MALT1: variants seen among roughly 807,000 people sequenced by gnomAD.
MALT1 encodes mucosa-associated lymphoid tissue lymphoma translocation protein 1.
Under a neutral mutation model 85.5 loss-of-function variants are expected in MALT1, and 36 were observed. That is an observed-to-expected ratio of 0.42 (90% CI 0.32 to 0.56). MALT1 has a LOEUF of 0.56. Among genes scored for constraint, MALT1 ranks in the 20% least tolerant of loss-of-function variants. The pLI, the probability that MALT1 is intolerant of heterozygous loss-of-function variation, is 0.10. For synonymous variants in MALT1, 359 were observed against 361.3 expected (o/e 0.99, Z 0.07); for missense variants, 716 against 981.6 (o/e 0.73, Z 3.62).
rs535550808 is a variant in MALT1, at chr18:58,676,488, T to C, written c.209+4636T>C. Among the ~76,000 whole-genome samples, 21 of 152,342 alleles carry C rather than the reference T, an allele frequency of 1.4e-4. No individual in the cohort carries two copies. The South Asian group carries it at 4.4e-3, about 32-fold the overall frequency. ...CTCTCTACTCTGGTCACATGTGCTT[T>C]CTTGCCTTCCTTTGGACACAGTAGT... On this transcript the variant is annotated intron_variant, in intron 1 of 16. Coordinates refer to ENST00000649217, the MANE Select transcript of MALT1 (RefSeq NM_006785.4).
rs971913820 is a variant in MALT1, at chr18:58,748,990, T to TACAA, written c.*1152_*1155dup. ...ACTATAAGCCAATATTCCTTATTAA[T>TACAA]ACAAACACAAAAATCATTAACAAAA... On this transcript the variant is annotated 3_prime_UTR_variant, in exon 17 of 17. Transcript: ENST00000649217. 1.5e-4 allele frequency: 32 copies of TACAA among 208,696 alleles called. No individual in the cohort carries two copies. The highest frequency in any genetic ancestry group is 7.0e-4 in the African/African-American group (31 of 43,992). The allele number at this position is 208,696 out of a possible 1,614,324, so 12.9% of individuals were successfully genotyped here.
At position 58,733,375 on chromosome 18, in the gene MALT1, C is replaced by G. The variant is rs113639133; in HGVS notation, c.1223-22C>G. ...GCATTTAGAATTGACATCTATCTCT[C>G]TCTTATTTTTCCTCTTTTCAGGGTT... On this transcript the variant is annotated intron_variant, in intron 10 of 16. Coordinates refer to ENST00000649217, the MANE Select transcript of MALT1 (RefSeq NM_006785.4). 1.4e-3 allele frequency: 2,077 copies of G among 1,527,300 alleles called. 24 individuals carry two copies. In the African/African-American group the frequency reaches 0.025, roughly 19 times the overall value. The allele number at this position is 1,527,300 out of a possible 1,614,324, so 94.6% of individuals were successfully genotyped here.
chr18:58,679,155 T>C (rs1478460688), intron 1 of MALT1, among the ~76,000 whole-genome samples: 1 of 152,266 alleles, frequency 6.6e-6, no homozygotes, highest in Non-Finnish European at 1.5e-5. Context: ...CCATTCTTCA[T>C]GGCCTTCTAT....
chr18:58,744,150 A>G (rs942602197), intron 14 of MALT1, among the ~76,000 whole-genome samples, 188 bp from the exon 15 acceptor site: 16 of 152,206 alleles, frequency 1.1e-4, no homozygotes, highest in African/African-American at 3.9e-4. Context: ...AAGAACTATA[A>G]ACAAATGGTA....
intron 10 of MALT1, among the ~76,000 whole-genome samples, chr18:58,732,924 A>T (rs8098636): frequency 0.88 from 133,577 of 151,644 alleles, 58,990 homozygotes; most frequent in East Asian, 0.99. Flanking sequence ...TTATTTATTT[A>T]TTTTGAGACA....
At chr18:58,682,250 T>C (rs2054333324) in intron 2 of MALT1, among the ~76,000 whole-genome samples, 1 of 152,214 alleles carries the variant, frequency 6.6e-6, no homozygotes. Context: ...TATTTTTTAT[T>C]GTTAGTTGTG....
intron 13 of MALT1, 66 bp from the exon 14 acceptor site, chr18:58,741,799 A>T: frequency 1.0e-6 from 1 of 979,540 alleles, no homozygotes; most frequent in Non-Finnish European, 1.5e-6. Context: ...GATAGTTCTT[A>T]GCCTAAATAT....
chr18:58,735,985 A>G (rs1309395954), intron 13 of MALT1, among the ~76,000 whole-genome samples: 1 of 152,186 alleles, frequency 6.6e-6, no homozygotes, highest in African/African-American at 2.4e-5. Context: ...TTTATAAGCC[A>G]TAGCAAAAAG....
intron 2 of MALT1, among the ~76,000 whole-genome samples, chr18:58,693,338 C>G (rs906225205): frequency 5.3e-5 from 8 of 152,180 alleles, no homozygotes; most frequent in Non-Finnish European, 8.8e-5. Context: ...GGGAGAATTG[C>G]TTACACCTGG....
rs896613896 is a variant in MALT1, at chr18:58,751,116, G to A, written c.*3274G>A. 4.6e-5 allele frequency: 7 copies of A among 152,214 alleles called. No homozygotes were observed. Among genetic ancestry groups the A allele is most frequent in the Non-Finnish European group, 1.5e-5 (1 of 68,062 alleles). 9.4% of individuals were successfully genotyped at this position (152,214 alleles called of 1,614,324 possible). A position where few individuals can be genotyped will look rare whatever the true frequency, so the allele number is the denominator to read the frequency against. On this transcript the variant is annotated 3_prime_UTR_variant, in exon 17 of 17. Transcript: ENST00000649217. ...TTTAGCCTCATGGGGTTGTTGAGCA[G>A]TTGAAATAATAGCTAGTGTGAGGAA... is the stretch of plus-strand genomic sequence containing the variant.
intron 13 of MALT1, among the ~76,000 whole-genome samples, chr18:58,736,359 C>T (rs943276817): frequency 2.6e-5 from 4 of 151,854 alleles, no homozygotes; most frequent in South Asian, 2.1e-4. Context: ...CCTCCCGCTT[C>T]ATCCAGAGAA....
Position 58,748,713 on chromosome 18 carries a change from T to C in MALT1, c.*871T>C, listed in dbSNP as rs2055407148. The C allele has an allele frequency of 1.0e-5, 2 of 194,822 alleles. No individual in the cohort carries two copies. The highest frequency in any genetic ancestry group is 4.6e-5 in the African/African-American group (2 of 43,082). 12.1% of individuals were successfully genotyped at this position (194,822 alleles called of 1,614,324 possible). ...TCACTGGCCTAATGAGATAATACTCTTATCTTTGGCTCTACCTAAAAGTTG... is the reference window on the plus strand; with the variant it reads ...TCACTGGCCTAATGAGATAATACTCCTATCTTTGGCTCTACCTAAAAGTTG... On this transcript the variant is annotated 3_prime_UTR_variant, in exon 17 of 17. Coordinates refer to ENST00000649217, the MANE Select transcript of MALT1 (RefSeq NM_006785.4).
chr18:58,680,634 T>C (rs1164159114), intron 1 of MALT1, among the ~76,000 whole-genome samples: 2 of 152,200 alleles, frequency 1.3e-5, no homozygotes, highest in Admixed American at 6.5e-5. Flanking sequence ...TCTCACATCC[T>C]GTTTCTGGGT....
intron 10 of MALT1, 151 bp from the exon 11 acceptor site, chr18:58,733,246 C>T (rs2055177604): frequency 1.7e-6 from 1 of 575,114 alleles, no homozygotes; most frequent in African/African-American, 1.9e-5. Context: ...ATAACATTGT[C>T]TATATTTATA....
At chr18:58,684,908 A>G (rs772420929) in intron 2 of MALT1, among the ~76,000 whole-genome samples, 13 of 152,222 alleles carry the variant, frequency 8.5e-5, no homozygotes, top group Admixed American at 1.3e-4. Context: ...CGTGTATTCA[A>G]TAAAGTTTAC....
At chr18:58,703,979 A>C (rs1436766879) in intron 4 of MALT1, among the ~76,000 whole-genome samples, 1 of 152,148 alleles carries the variant, frequency 6.6e-6, no homozygotes, top group African/African-American at 2.4e-5. Context: ...ATGTTTTTAA[A>C]ATTTACTCAT....
At chr18:58,727,630 T>TTG (rs2055081434) in intron 10 of MALT1, among the ~76,000 whole-genome samples, 1 of 91,186 alleles carries the variant, frequency 1.1e-5, no homozygotes, top group African/African-American at 2.8e-5. Flanking sequence ...TTTTTTTTGT[T>TTG]TTTTTTTTTT....
intron 6 of MALT1, among the ~76,000 whole-genome samples, chr18:58,710,282 G>GA (rs201380970): frequency 1.3e-5 from 2 of 151,972 alleles, no homozygotes; most frequent in Admixed American, 6.6e-5. Context: ...AAAGAATCAG[G>GA]AAAAAAAGCC....
Position 58,749,401 on chromosome 18 carries a change from A to AC in MALT1, c.*1563dup. The AC allele has an allele frequency of 4.6e-6, 1 of 215,918 alleles. No homozygotes were observed. The highest frequency in any genetic ancestry group is 1.9e-4 in the South Asian group (1 of 5,386). 13.4% of individuals were successfully genotyped at this position (215,918 alleles called of 1,614,324 possible). A position where few individuals can be genotyped will look rare whatever the true frequency, so the allele number is the denominator to read the frequency against. On this transcript the variant is annotated 3_prime_UTR_variant, in exon 17 of 17. Coordinates refer to ENST00000649217, the MANE Select transcript of MALT1 (RefSeq NM_006785.4). ...AACAGGTGTCAGAGCTGAAATTCAA[A>AC]CCCCATCCAGCTGGCCCCGGAGCCA...
Sources: gnomAD v4.1 joint callset for allele counts (sites outside exome capture counted in the v4.1 genomes callset) on GRCh38, gnomAD v4.1.1 for gene constraint, MANE v1.5 for transcripts, NCBI Gene and HGNC (gene_info 2026-07-23, HGNC 2026-07-21) for gene names.